Variants in MOV10L1 observed in about 807,000 individuals in gnomAD.
MOV10L1 encodes Mov10 like RNA helicase 1, also known as RNA helicase Mov10l1.
A neutral mutation model predicts 143.8 loss-of-function variants in MOV10L1; 110 were observed. That is an observed-to-expected ratio of 0.76 (90% CI 0.66 to 0.90). The LOEUF (loss-of-function observed/expected upper bound fraction) is 0.90, where lower values mean the gene tolerates loss of function less well. MOV10L1 is among the 40% of genes least tolerant of loss of function. The pLI is 0.00. For synonymous variants in MOV10L1, 593 were observed against 581.1 expected, an observed-to-expected ratio of 1.02 and a Z score of -0.29; for missense variants, 1,406 against 1,526.8, an observed-to-expected ratio of 0.92 and a Z score of 1.32.
intron 5 of MOV10L1, chr22:50,109,670 C>CA (rs35087419): frequency 0.054 from 5,727 of 107,014 alleles, 158 homozygotes; most frequent in African/African-American, 0.11. Context: ...GACTCCTTCT[C>CA]AAAAAAAAAA....
chr22:50,152,485 A>G lies in MOV10L1; in HGVS notation c.2893-560A>G, dbSNP rs910267395. The stretch of plus-strand genomic sequence containing the variant: ...AGCTTCCCGAGCAAGTTGGAGGCAG[A>G]CAGTAAAGGTGTCCCATGTACTGGT... On this transcript the variant is annotated intron_variant, in intron 21 of 26. Transcript: ENST00000262794. The surrounding 1 kb of genome is among the most constrained non-coding windows in gnomAD (Gnocchi z 4.4). Among the ~76,000 whole-genome samples, 1 of 152,172 alleles carries G rather than the reference A, an allele frequency of 6.6e-6. No homozygotes were observed. Among genetic ancestry groups the G allele is most frequent in the African/African-American group, 2.4e-5 (1 of 41,446 alleles).
chr22:50,125,302 G>T (rs1465468332), intron 10 of MOV10L1, 90 bp from the exon 11 acceptor site: 13 of 1,314,788 alleles, frequency 9.9e-6, no homozygotes, highest in Non-Finnish European at 1.3e-5. Context: ...TGCTGAACTG[G>T]AGCTGTTGGA....
chr22:50,161,044 GTC>G lies in MOV10L1; in HGVS notation c.3547_3548del (p.Leu1183AlafsTer34). 1.9e-6 allele frequency: 3 copies of G among 1,614,076 alleles called. No individual in the cohort carries two copies. The highest frequency in any genetic ancestry group is 2.5e-6 in the Non-Finnish European group (3 of 1,179,984). On this transcript the variant is annotated frameshift_variant, in exon 26 of 27. Coordinates refer to ENST00000262794, the MANE Select transcript of MOV10L1 (RefSeq NM_018995.3). LOFTEE classifies it low-confidence loss of function (END_TRUNC). The part of the protein sequence containing the change: ...MGCDLPPALQ[S>X]LQNCGEGVAD... ...GATGCGATTTACCTCCTGCACTGCA[GTC>G]TCTGCAAAAGTGAGCGCTTCTGCTG...
intron 19 of MOV10L1, chr22:50,146,872 C>G (rs1161838887): frequency 3.4e-6 from 2 of 581,052 alleles, no homozygotes; most frequent in East Asian, 5.9e-5. Flanking sequence ...TGATGAGACA[C>G]TTTACATTTT....
chr22:50,098,218 G>GTATTAAGATTAACATCTTAATACTTAAT (rs2062640667), intron 2 of MOV10L1, among the ~76,000 whole-genome samples: 2 of 128,044 alleles, frequency 1.6e-5, no homozygotes, highest in African/African-American at 7.9e-5. Context: ...TAATAATTAA[G>GTATTAAGATTAACATCTTAATACTTAAT]TATTAAGATT....
At position 50,099,459 on chromosome 22, in the gene MOV10L1, AT is replaced by A. The variant is rs759930568; in HGVS notation, c.300del (p.Asp100GlufsTer21). On this transcript the variant is annotated frameshift_variant, in exon 3 of 27. Coordinates refer to ENST00000262794, the MANE Select transcript of MOV10L1 (RefSeq NM_018995.3). LOFTEE classifies it high-confidence loss of function. ...GTTTTACAGGTAGAAGCTGTCTCTG[AT>A]AAGTGGGAAGACGACAGCAGAAACC... Reference protein sequence around the residue: ...LKAIRVEAVSDKWEDDSRNHG... With the variant: ...LKAIRVEAVSXKWEDDSRNHG... The A allele has an allele frequency of 1.9e-6, 3 of 1,614,058 alleles. No individual in the cohort carries two copies. Among genetic ancestry groups the A allele is most frequent in the South Asian group, 2.2e-5 (2 of 91,074 alleles).
At chr22:50,156,704 C>T (rs371221314) in intron 22 of MOV10L1, among the ~76,000 whole-genome samples, 1 of 152,214 alleles carries the variant, frequency 6.6e-6, no homozygotes, top group Non-Finnish European at 1.5e-5. Context: ...GTCAGAATTT[C>T]CTCCCTTTTG....
Position 50,159,563 on chromosome 22 carries a change from C to T in MOV10L1, c.3217-115C>T. On this transcript the variant is annotated intron_variant, in intron 23 of 26. Transcript: ENST00000262794. The surrounding 1 kb of genome is among the most constrained non-coding windows in gnomAD (Gnocchi z 4.1). ...GTTGCAGTGAGCCGAGATCACGCCA[C>T]TGCACTGCAGCCTGGGTGACAGAGT... 4 of 601,200 alleles carry T rather than the reference C, an allele frequency of 6.7e-6. No homozygotes were observed. In the South Asian group the frequency reaches 8.5e-5, roughly 13 times the overall value. The allele number at this position is 601,200 out of a possible 1,614,324, so 37.2% of individuals were successfully genotyped here.
At chr22:50,133,798 C>T (rs752993608) in intron 13 of MOV10L1, among the ~76,000 whole-genome samples, 1 of 152,170 alleles carries the variant, frequency 6.6e-6, no homozygotes, top group Non-Finnish European at 1.5e-5. Flanking sequence ...CCCACCTCGG[C>T]CTCCCAAAGT....
At chr22:50,090,302 G>T (rs901430784) in intron 1 of MOV10L1, 117 bp downstream of exon 1, 55 of 1,457,464 alleles carry the variant, frequency 3.8e-5, no homozygotes, top group Non-Finnish European at 4.6e-5. Flanking sequence ...GCTGGGCCCG[G>T]CCTTTCCTCA....
intron 3 of MOV10L1, 135 bp from the exon 4 acceptor site, chr22:50,108,001 C>T (rs142775706): frequency 0.012 from 8,624 of 718,222 alleles, 82 homozygotes; most frequent in Middle Eastern, 0.02. Flanking sequence ...AAATATGTTT[C>T]TCACAGTAGT....
At chr22:50,100,328 G>A (rs1327849175) in intron 3 of MOV10L1, among the ~76,000 whole-genome samples, 7 of 151,926 alleles carry the variant, frequency 4.6e-5, no homozygotes, top group African/African-American at 1.7e-4. Context: ...TATGTGTTTT[G>A]TGTTCATTTG....
chr22:50,130,157 C>A (rs2062629952), intron 13 of MOV10L1, among the ~76,000 whole-genome samples: 1 of 152,066 alleles, frequency 6.6e-6, no homozygotes, highest in African/African-American at 2.4e-5. Context: ...TGCCTGCAGT[C>A]CCAGCTACTT....
chr22:50,091,984 T>G lies in MOV10L1; in HGVS notation c.98-17T>G. 1 of 1,607,706 alleles carries G rather than the reference T, an allele frequency of 6.2e-7. No individual in the cohort carries two copies. The highest frequency in any genetic ancestry group is 8.5e-7 in the Non-Finnish European group (1 of 1,176,494). On this transcript the variant is annotated splice_polypyrimidine_tract_variant and intron_variant, in intron 1 of 26. Transcript: ENST00000262794. ...TGCTTTTATGGCCAAGATAACTTCT[T>G]TGTTTACCTACCTCAGGTGACACTA...
chr22:50,133,976 TA>T, intron 13 of MOV10L1, 30 bp from the exon 14 acceptor site: 1 of 1,589,794 alleles, frequency 6.3e-7, no homozygotes. Context: ...AATGTAAGGT[TA>T]GTTATTTTAT....
chr22:50,124,252 A>G (rs1263275896), intron 10 of MOV10L1, among the ~76,000 whole-genome samples: 2 of 152,132 alleles, frequency 1.3e-5, no homozygotes, highest in Non-Finnish European at 2.9e-5. Context: ...TTCCCTCAGC[A>G]CTGCTTGTGC....
At chr22:50,113,987 C>G (rs1389140421) in intron 6 of MOV10L1, among the ~76,000 whole-genome samples, 199 bp downstream of exon 6, 1 of 144,026 alleles carries the variant, frequency 6.9e-6, no homozygotes, top group African/African-American at 2.6e-5. Context: ...GGCGCGATCT[C>G]AGCTCACTGC....
intron 3 of MOV10L1, among the ~76,000 whole-genome samples, chr22:50,100,148 T>A (rs745357418): frequency 9.2e-5 from 14 of 152,028 alleles, no homozygotes; most frequent in Middle Eastern, 3.4e-3. Context: ...TGCACCACCA[T>A]GCCCAGCTAA....
intron 5 of MOV10L1, among the ~76,000 whole-genome samples, chr22:50,110,297 A>G (rs2061987496): frequency 6.6e-6 from 1 of 151,726 alleles, no homozygotes; most frequent in Admixed American, 6.6e-5. Context: ...AAAACACAAA[A>G]AATTAGCCAG....
Sources: allele counts gnomAD v4.1 joint callset (sites outside exome capture counted in the v4.1 genomes callset), GRCh38; gene constraint gnomAD v4.1.1; non-coding constraint Gnocchi (gnomAD v3.1); transcripts MANE v1.5; gene names NCBI Gene and HGNC (gene_info 2026-07-23, HGNC 2026-07-21).